Variants in PREP observed in about 807,000 individuals in gnomAD.
The protein encoded by PREP is prolyl endopeptidase.
PREP carries 29 observed loss-of-function variants against 87.6 expected under a neutral mutation model. The ratio of observed to expected loss-of-function variants is 0.33; its 90% CI spans 0.25 to 0.45. PREP has a LOEUF of 0.45. PREP is among the 20% of genes least tolerant of loss of function. PREP has a pLI of 1.00. For missense variants in PREP, 695 were observed against 886.5 expected (o/e 0.78, Z 2.74); for synonymous variants, 337 against 328.6 (o/e 1.03, Z -0.28).
chr6:105,299,252 T>C (rs1770480717), intron 10 of PREP, among the ~76,000 whole-genome samples: 2 of 152,360 alleles, frequency 1.3e-5, no homozygotes, highest in Admixed American at 1.3e-4. Flanking sequence ...GTCATCCAGC[T>C]AGCAGTCCTC....
At chr6:105,295,077 AG>A (rs1317606559) in intron 10 of PREP, among the ~76,000 whole-genome samples, 34 of 152,030 alleles carry the variant, frequency 2.2e-4, no homozygotes, top group African/African-American at 7.5e-4. Flanking sequence ...CTCTGAACTT[AG>A]GTCTTATGTC....
chr6:105,276,566 A>G lies in PREP; in HGVS notation c.*1578T>C, dbSNP rs538576943. 2.6e-5 allele frequency among the ~76,000 whole-genome samples: 4 copies of G among 152,348 alleles called. No homozygotes were observed. Among genetic ancestry groups the G allele is most frequent in the Admixed American group, 1.3e-4 (2 of 15,302 alleles). ...AGCAGTTACACCAAAGCTAGCTAGT[A>G]TCAGTATCTGAGTAGATGGTGATGA... On this transcript the variant is annotated 3_prime_UTR_variant, in exon 15 of 15. Coordinates refer to ENST00000652536, the MANE Select transcript of PREP (RefSeq NM_002726.5).
In PREP at chr6:105,333,482, T is replaced by A; in HGVS notation, c.847A>T (p.Ile283Phe). ...IAGILKWVKLIDNFEGEYDYV... is the reference protein window; with the variant it reads ...IAGILKWVKLFDNFEGEYDYV... The stretch of plus-strand genomic sequence containing the variant: ...TCATATTCCCCTTCAAAGTTGTCAA[T>A]CAGTTTTACCCACTTCAGGATTCCT... Residue 283 changes from isoleucine (I) to phenylalanine (F), a missense_variant, in exon 8 of 15, where the codon ATT becomes TTT. Ile to Phe is a conservative substitution (Grantham distance 21). This residue lies in a region of PREP where 517 missense variants were observed against 620.3 expected (regional missense o/e 0.83). Transcript: ENST00000652536. 1 of 1,614,154 alleles carries A rather than the reference T, an allele frequency of 6.2e-7. No individual in the cohort carries two copies. The highest frequency in any genetic ancestry group is 8.5e-7 in the Non-Finnish European group (1 of 1,180,026).
intron 7 of PREP, among the ~76,000 whole-genome samples, chr6:105,337,463 C>T (rs552627814): frequency 3.9e-5 from 6 of 152,264 alleles, no homozygotes; most frequent in Non-Finnish European, 7.4e-5. Flanking sequence ...CTGTCTTCCC[C>T]GACCCCTCCT....
At chr6:105,324,121 ACTTAGGAATGCAGGTC>A (rs2114647205) in intron 9 of PREP, among the ~76,000 whole-genome samples, 1 of 152,338 alleles carries the variant, frequency 6.6e-6, no homozygotes, top group East Asian at 1.9e-4. Context: ...AAGCTGGGTC[ACTTAGGAATGCAGGTC>A]AAAAAAATGG....
chr6:105,343,745 A>T (rs1771723088), intron 7 of PREP, among the ~76,000 whole-genome samples: 1 of 152,370 alleles, frequency 6.6e-6, no homozygotes, highest in South Asian at 2.1e-4. Flanking sequence ...GAAGACATTT[A>T]TGCAGCCAAA....
chr6:105,346,524 A>G (rs960079620), intron 7 of PREP, among the ~76,000 whole-genome samples: 2 of 152,258 alleles, frequency 1.3e-5, no homozygotes, highest in African/African-American at 4.8e-5. Context: ...TCAAACTTTT[A>G]GCAAAAAAAG....
At chr6:105,311,258 C>G (rs1427542507) in intron 10 of PREP, among the ~76,000 whole-genome samples, 2 of 152,170 alleles carry the variant, frequency 1.3e-5, no homozygotes, top group Non-Finnish European at 1.5e-5. Flanking sequence ...CAGTATAAAA[C>G]TCTGCAGTGA....
rs1769865874 is a variant in PREP at position 105,273,339 on chromosome 6, T to C, written c.*4805A>G. 6.6e-6 allele frequency: 1 copy of C among 152,162 alleles called. No individual in the cohort carries two copies. Among genetic ancestry groups the C allele is most frequent in the African/African-American group, 2.4e-5 (1 of 41,430 alleles). The allele number at this position is 152,162 out of a possible 1,614,324, so 9.4% of individuals were successfully genotyped here. On this transcript the variant is annotated 3_prime_UTR_variant, in exon 15 of 15. Transcript: ENST00000652536. ...ATGACTTTTTAATACATTTACCAGG[T>C]TGTGCAACCGTTACTGAAATCCAGT...
intron 5 of PREP, among the ~76,000 whole-genome samples, chr6:105,372,257 TACA>T (rs889466911): frequency 1.2e-4 from 18 of 150,730 alleles, no homozygotes; most frequent in African/African-American, 3.9e-4. Flanking sequence ...ATGACAAAGA[TACA>T]ACAAGTCATG....
At chr6:105,303,602 C>G (rs1770591389) in intron 10 of PREP, among the ~76,000 whole-genome samples, 2 of 152,112 alleles carry the variant, frequency 1.3e-5, no homozygotes, top group Admixed American at 1.3e-4. Context: ...ACCCACAAAG[C>G]TACATCTCAG....
intron 2 of PREP, among the ~76,000 whole-genome samples, chr6:105,384,439 T>A (rs927581641): frequency 1.3e-5 from 2 of 152,196 alleles, no homozygotes; most frequent in Non-Finnish European, 2.9e-5. Context: ...TCTTTCTCCA[T>A]CAGATCGTAT....
chr6:105,302,936 C>A (rs886838628), intron 10 of PREP: 1 of 223,320 alleles, frequency 4.5e-6, no homozygotes, highest in Non-Finnish European at 9.1e-6. Context: ...ATTGTAGCTA[C>A]CTCTCCCACA....
At position 105,402,858 on chromosome 6, in the gene PREP, C is replaced by T; in HGVS notation, c.34G>A (p.Asp12Asn). 1 of 1,544,812 alleles carries T rather than the reference C, an allele frequency of 6.5e-7. No individual in the cohort carries two copies. The highest frequency in any genetic ancestry group is 1.2e-5 in the South Asian group (1 of 83,494). The change falls in exon 1 of 15, where the codon GAC becomes AAC. Residue 12 changes from aspartate (D) to asparagine (N), a missense_variant. By Grantham distance (23) the Asp-to-Asn change is conservative. Coordinates refer to ENST00000652536, the MANE Select transcript of PREP (RefSeq NM_002726.5). ...GCAGAGATACTTACGGCGGTCTCGT[C>T]GCGGTACACGTCGGGGTACTGAAGG... ...LSLQYPDVYR[D>N]ETAVQDYHGH...
At chr6:105,323,838 A>C (rs761957619) in intron 9 of PREP, 70 bp from the exon 10 acceptor site, 316 of 1,297,616 alleles carry the variant, frequency 2.4e-4, no homozygotes, top group Non-Finnish European at 2.6e-4. Context: ...AGGATCACAA[A>C]CCACAACCAA....
At chr6:105,388,483 T>C (rs1165869498) in intron 2 of PREP, among the ~76,000 whole-genome samples, 1 of 17,330 alleles carries the variant, frequency 5.8e-5, no homozygotes, top group African/African-American at 2.4e-4. Context: ...GAAAGGAGAT[T>C]GGGGGGTGGG....
chr6:105,311,314 T>G (rs1770756246), intron 10 of PREP, among the ~76,000 whole-genome samples: 1 of 152,220 alleles, frequency 6.6e-6, no homozygotes, highest in Non-Finnish European at 1.5e-5. Context: ...AACACGGCCA[T>G]GAGGCTCTCT....
chr6:105,347,341 C>T (rs1057361531), intron 7 of PREP, among the ~76,000 whole-genome samples: 2 of 152,218 alleles, frequency 1.3e-5, no homozygotes, highest in African/African-American at 4.8e-5. Flanking sequence ...GTGCCCAACA[C>T]AGTGCCTGGC....
chr6:105,375,178 A>G (rs546425489), intron 4 of PREP, among the ~76,000 whole-genome samples: 1 of 152,276 alleles, frequency 6.6e-6, no homozygotes, highest in African/African-American at 2.4e-5. Flanking sequence ...TGGACCACCG[A>G]ATGACTGGAT....
Sources: gnomAD v4.1 joint callset for allele counts (sites outside exome capture counted in the v4.1 genomes callset) on GRCh38, gnomAD v4.1.1 for gene constraint, gnomAD v4.1.1 regional missense constraint, MANE v1.5 for transcripts, NCBI Gene and HGNC (gene_info 2026-07-23, HGNC 2026-07-21) for gene names.